Variants in KALRN observed in about 807,000 individuals in gnomAD.
KALRN encodes kalirin.
Under a neutral mutation model 353.7 loss-of-function variants are expected in KALRN, and 70 were observed. The observed-to-expected ratio is 0.20, with a 90% confidence interval of 0.16 to 0.24. KALRN has a LOEUF of 0.24. KALRN is among the 10% of genes least tolerant of loss of function. The pLI, the probability that KALRN is intolerant of heterozygous loss-of-function variation, is 1.00. For synonymous variants in KALRN, 1,391 were observed against 1,434.8 expected, an observed-to-expected ratio of 0.97 and a Z score of 0.69; for missense variants, 2,791 against 3,756.7, an observed-to-expected ratio of 0.74 and a Z score of 6.72.
intron 1 of KALRN, among the ~76,000 whole-genome samples, chr3:124,148,133 T>C (rs752024137): frequency 3.3e-5 from 5 of 152,180 alleles, no homozygotes; most frequent in Non-Finnish European, 7.3e-5. Context: ...AGCAGGGATG[T>C]AGTCGGCTCC....
chr3:124,398,373 C>T (rs1207827401), intron 12 of KALRN, among the ~76,000 whole-genome samples: 4 of 152,098 alleles, frequency 2.6e-5, no homozygotes, highest in African/African-American at 9.7e-5. Context: ...GGAACCATTC[C>T]ATTTCTCTAA....
At chr3:124,332,251 T>TA (rs955915583) in intron 8 of KALRN, among the ~76,000 whole-genome samples, 2 of 151,628 alleles carry the variant, frequency 1.3e-5, no homozygotes, top group African/African-American at 2.4e-5. Context: ...TGGGCAGGAG[T>TA]AACATCTGCT....
Position 124,540,884 on chromosome 3 carries a change from C to A in KALRN, c.4936-21959C>A, listed in dbSNP as rs771299150. Among the ~76,000 whole-genome samples the A allele has an allele frequency of 1.3e-5, 2 of 152,344 alleles. 1 individual carries two copies. Among genetic ancestry groups the A allele is most frequent in the South Asian group, 4.1e-4 (2 of 4,828 alleles). On this transcript the variant is annotated intron_variant, in intron 33 of 59. Coordinates refer to ENST00000682506, the MANE Select transcript of KALRN (RefSeq NM_001388419.1). The stretch of plus-strand genomic sequence containing the variant: ...TAGCTGCATGCCAGTCAACCCCCCA[C>A]AGCAGAGCTTAGGAACTATGTAAGT...
intron 7 of KALRN, 57 bp downstream of exon 7, chr3:124,326,228 G>A (rs988806286): frequency 6.7e-6 from 10 of 1,484,644 alleles, no homozygotes; most frequent in African/African-American, 1.4e-5. Flanking sequence ...GGCATGGGCA[G>A]GGGAGGGCTG....
In KALRN at chr3:124,234,748, C is replaced by T; in HGVS notation, c.149-81C>T. 7 of 1,078,716 alleles carry T rather than the reference C, an allele frequency of 6.5e-6. No individual in the cohort carries two copies. The South Asian group carries it at 9.8e-5, about 15-fold the overall frequency. 66.8% of individuals were successfully genotyped at this position (1,078,716 alleles called of 1,614,324 possible). ...CCTATTTCTGTCTGATCACCCAGCA[C>T]TCAGACAGATTTCTTTTTCCTCTGT... On this transcript the variant is annotated intron_variant, in intron 2 of 59. Coordinates refer to ENST00000682506, the MANE Select transcript of KALRN (RefSeq NM_001388419.1).
intron 51 of KALRN, among the ~76,000 whole-genome samples, chr3:124,691,637 G>C: frequency 6.6e-6 from 1 of 151,970 alleles, no homozygotes; most frequent in South Asian, 2.1e-4. Context: ...TTTTTGAATG[G>C]GGACAAAGCC....
chr3:124,630,887 T>C (rs2080697354), intron 34 of KALRN, among the ~76,000 whole-genome samples: 1 of 152,200 alleles, frequency 6.6e-6, no homozygotes, highest in Non-Finnish European at 1.5e-5. Flanking sequence ...TTTAAAACAG[T>C]ACAAGAATTC....
intron 15 of KALRN, among the ~76,000 whole-genome samples, chr3:124,430,129 G>A (rs997564757): frequency 3.3e-5 from 5 of 152,172 alleles, no homozygotes; most frequent in Admixed American, 1.3e-4. Flanking sequence ...TGAAACATAG[G>A]TTGAAATAAA....
At chr3:124,265,384 C>T (rs2073403442) in intron 4 of KALRN, among the ~76,000 whole-genome samples, 1 of 140,520 alleles carries the variant, frequency 7.1e-6, no homozygotes, top group South Asian at 2.4e-4. Context: ...CCTCTGCCTC[C>T]TGGGTTCAAG....
chr3:124,601,418 C>T (rs2076795967), intron 34 of KALRN, among the ~76,000 whole-genome samples: 1 of 152,190 alleles, frequency 6.6e-6, no homozygotes, highest in African/African-American at 2.4e-5. Flanking sequence ...AGACTTGTAA[C>T]CTAGGTCTCA....
chr3:124,533,667 TAAAG>T (rs1338737574), intron 33 of KALRN, among the ~76,000 whole-genome samples: 5 of 151,740 alleles, frequency 3.3e-5, no homozygotes, highest in Admixed American at 2.0e-4. Context: ...CAAAAACAAA[TAAAG>T]AAACTGTTGA....
intron 34 of KALRN, among the ~76,000 whole-genome samples, chr3:124,572,601 A>G (rs1263966240): frequency 6.6e-6 from 1 of 152,206 alleles, no homozygotes; most frequent in Non-Finnish European, 1.5e-5. Flanking sequence ...AAGCTGATAA[A>G]GATGCCTATG....
At chr3:124,685,686 G>T (rs1373057574) in intron 51 of KALRN, among the ~76,000 whole-genome samples, 1 of 152,164 alleles carries the variant, frequency 6.6e-6, no homozygotes, top group Non-Finnish European at 1.5e-5. Context: ...CTTTCTCAAT[G>T]ACTCAAGAGC....
At chr3:124,418,952 C>A (rs1412755432) in intron 14 of KALRN, among the ~76,000 whole-genome samples, 1 of 151,562 alleles carries the variant, frequency 6.6e-6, no homozygotes, top group Non-Finnish European at 1.5e-5. Flanking sequence ...TTTTAATTCT[C>A]CAGCTGATAC....
chr3:124,716,294 C>T (rs116179800), intron 58 of KALRN, among the ~76,000 whole-genome samples: 21,839 of 152,240 alleles, frequency 0.14, 2,014 homozygotes, highest in Middle Eastern at 0.21. Flanking sequence ...GAGGCCCAGG[C>T]GGGTGGATCA....
intron 5 of KALRN, among the ~76,000 whole-genome samples, chr3:124,282,933 G>A (rs1001447208): frequency 1.3e-5 from 2 of 152,164 alleles, no homozygotes; most frequent in African/African-American, 2.4e-5. Flanking sequence ...GGGAGAAGGG[G>A]CAAAATGGGG....
intron 34 of KALRN, among the ~76,000 whole-genome samples, chr3:124,621,506 G>A (rs185802391): frequency 6.6e-6 from 1 of 152,336 alleles, no homozygotes; most frequent in Admixed American, 6.5e-5. Context: ...GGATGACTAA[G>A]AGATGGAAGA....
chr3:124,053,646 T>C (rs1373276054), intron 1 of KALRN, among the ~76,000 whole-genome samples: 1 of 152,226 alleles, frequency 6.6e-6, no homozygotes, highest in African/African-American at 2.4e-5. Context: ...TGACTGACGG[T>C]TGGACAGTTA....
Position 124,525,982 on chromosome 3 carries a change from TAA to T in KALRN, c.4935+29572_4935+29573del, listed in dbSNP as rs2067558508. On this transcript the variant is annotated intron_variant, in intron 33 of 59. Coordinates refer to ENST00000682506, the MANE Select transcript of KALRN (RefSeq NM_001388419.1). Reference sequence around the variant, plus strand: ...TGATTGATTGGTTGGTGTTGTAGAATAAAAGTGATGACATTTCAGTTTAATGG... The same window carrying T: ...TGATTGATTGGTTGGTGTTGTAGAATAAGTGATGACATTTCAGTTTAATGG... Among the ~76,000 whole-genome samples, 4 of 152,270 alleles carry T rather than the reference TAA, an allele frequency of 2.6e-5. No individual in the cohort carries two copies. In the South Asian group the frequency reaches 8.3e-4, roughly 32 times the overall value.
Sources: allele counts gnomAD v4.1 joint callset (sites outside exome capture counted in the v4.1 genomes callset), GRCh38; gene constraint gnomAD v4.1.1; transcripts MANE v1.5; gene names NCBI Gene and HGNC (gene_info 2026-07-23, HGNC 2026-07-21).